The following DGLUCY variants were observed in gnomAD, a reference collection of about 807,000 sequenced individuals.
DGLUCY encodes D-glutamate cyclase, mitochondrial.
Under a neutral mutation model 58.5 loss-of-function variants are expected in DGLUCY, and 58 were observed. That is an observed-to-expected ratio of 0.99 (90% CI 0.80 to 1.23). The LOEUF is 1.23. Ranked by LOEUF, DGLUCY falls within the 50% of genes most tolerant of loss-of-function variation. DGLUCY has a pLI of 0.00. For synonymous variants in DGLUCY, 325 were observed against 314.1 expected, an observed-to-expected ratio of 1.03 and a Z score of -0.37; for missense variants, 779 against 784.7, an observed-to-expected ratio of 0.99 and a Z score of 0.09.
chr14:91,214,044 T>C (rs1886138686), intron 12 of DGLUCY, among the ~76,000 whole-genome samples: 1 of 151,966 alleles, frequency 6.6e-6, no homozygotes, highest in Non-Finnish European at 1.5e-5. Context: ...TTTTCTTTTT[T>C]TTTTTTAACT....
chr14:91,129,333 A>G (rs1374786981), intron 1 of DGLUCY, among the ~76,000 whole-genome samples: 3 of 152,154 alleles, frequency 2.0e-5, no homozygotes, highest in Admixed American at 2.0e-4. Flanking sequence ...GGGAAATTAC[A>G]GATTTCATGC....
intron 1 of DGLUCY, among the ~76,000 whole-genome samples, chr14:91,144,407 G>A (rs563322236): frequency 9.8e-4 from 149 of 152,240 alleles, no homozygotes; most frequent in African/African-American, 3.5e-3. Flanking sequence ...TAAAGATACA[G>A]AAATTAGCTG....
At chr14:91,161,684 GT>G (rs1285117812) in intron 3 of DGLUCY, among the ~76,000 whole-genome samples, 103 of 152,154 alleles carry the variant, frequency 6.8e-4, no homozygotes, top group Non-Finnish European at 1.2e-3. Flanking sequence ...ACTTACTAAT[GT>G]CCCATTGGCG....
At chr14:91,060,567 C>A (rs1176185161) in exon 1 of DGLUCY, 1 of 1,149,736 alleles carries the variant, frequency 8.7e-7, no homozygotes, top group Non-Finnish European at 1.1e-6. Context: ...GACGCAAAGA[C>A]GAGTCTCTTT....
chr14:91,220,427 C>T (rs1887285123), intron 13 of DGLUCY: 1 of 451,594 alleles, frequency 2.2e-6, no homozygotes, highest in Non-Finnish European at 4.5e-6. Flanking sequence ...TGACAAGGTC[C>T]TTTCTTTACT....
chr14:91,201,727 A>G (rs2050575003), intron 11 of DGLUCY, among the ~76,000 whole-genome samples: 1 of 152,020 alleles, frequency 6.6e-6, no homozygotes, highest in Non-Finnish European at 1.5e-5. Context: ...TACAGGCATG[A>G]GCCACTGAGC....
chr14:91,189,141 A>G lies in DGLUCY; in HGVS notation c.1166A>G (p.Gln389Arg). The G allele has an allele frequency of 1.2e-6, 2 of 1,614,222 alleles. No individual in the cohort carries two copies. The highest frequency in any genetic ancestry group is 1.7e-6 in the Non-Finnish European group (2 of 1,180,030). Reference protein sequence around the residue: ...IVDQRAWNLHQKIVEDAVEQG... With the variant: ...IVDQRAWNLHRKIVEDAVEQG... ...GACCAGAGAGCCTGGAACTTGCACC[A>G]GAAGATTGTTGAAGATGCTGTTGAG... The change falls in exon 9 of 14, where the codon CAG becomes CGG. Residue 389 changes from glutamine (Q) to arginine (R), a missense_variant. Coordinates refer to ENST00000256324, the MANE Select transcript of DGLUCY (RefSeq NM_001102368.3).
intron 1 of DGLUCY, among the ~76,000 whole-genome samples, chr14:91,123,611 G>A (rs980827683): frequency 6.6e-6 from 1 of 152,116 alleles, no homozygotes; most frequent in African/African-American, 2.4e-5. Flanking sequence ...TTTCAAGACA[G>A]GGTCTCACTT....
intron 1 of DGLUCY, among the ~76,000 whole-genome samples, chr14:91,123,032 G>A (rs1371845686): frequency 6.6e-6 from 1 of 152,158 alleles, no homozygotes; most frequent in Admixed American, 6.5e-5. Flanking sequence ...CGAGGACTTA[G>A]GCTTAGCAGG....
At chr14:91,135,916 G>GT (rs2046304212) in intron 1 of DGLUCY, among the ~76,000 whole-genome samples, 2 of 147,510 alleles carry the variant, frequency 1.4e-5, no homozygotes, top group South Asian at 4.3e-4. Flanking sequence ...ACTTGGCTAG[G>GT]ATACATTAGC....
intron 1 of DGLUCY, among the ~76,000 whole-genome samples, chr14:91,132,795 C>T (rs1004250282): frequency 4.0e-5 from 6 of 151,808 alleles, no homozygotes; most frequent in African/African-American, 1.5e-4. Flanking sequence ...TTTCATCTTC[C>T]CAAACTGCAA....
At chr14:91,122,970 C>T (rs2045473108) in intron 1 of DGLUCY, among the ~76,000 whole-genome samples, 1 of 152,172 alleles carries the variant, frequency 6.6e-6, no homozygotes, top group Non-Finnish European at 1.5e-5. Flanking sequence ...GTAGCCGGCA[C>T]TACTCTGGGT....
chr14:91,157,206 AATGAATGGGTGG>A lies in DGLUCY; in HGVS notation c.-81-429_-81-418del, dbSNP rs2047697594. Among the ~76,000 whole-genome samples the A allele has an allele frequency of 6.1e-5, 4 of 65,428 alleles. 1 individual carries two copies. In the South Asian group the frequency reaches 1.8e-3, roughly 29 times the overall value. The allele number at this position is 65,428 out of a possible 152,430, so 42.9% of individuals were successfully genotyped here. ...GGATGGGTGGATAGATGGATGGATGAATGAATGGGTGGATGGATGGATGGGTGGATGGATGGA... is the reference window on the plus strand; with the variant it reads ...GGATGGGTGGATAGATGGATGGATGAATGGATGGATGGGTGGATGGATGGA... On this transcript the variant is annotated intron_variant, in intron 1 of 13. Transcript: ENST00000256324.
intron 1 of DGLUCY, among the ~76,000 whole-genome samples, chr14:91,108,524 T>TGA (rs1311616533): frequency 1.3e-3 from 51 of 40,582 alleles, no homozygotes; most frequent in Admixed American, 1.9e-3. Context: ...TGTGTGTGTG[T>TGA]GTGAGAGAGA....
At chr14:91,167,080 A>G in intron 3 of DGLUCY, 145 bp from the exon 4 acceptor site, 1 of 1,029,130 alleles carries the variant, frequency 9.7e-7, no homozygotes, top group Non-Finnish European at 1.4e-6. Context: ...CGGAGGTTGC[A>G]GTGAGCCAAG....
intron 1 of DGLUCY, among the ~76,000 whole-genome samples, chr14:91,074,312 A>AAAT (rs1555388320): frequency 2.5e-5 from 3 of 121,914 alleles, no homozygotes; most frequent in African/African-American, 3.7e-5. Context: ...AAAAAAAAAA[A>AAAT]ATATATATAT....
chr14:91,143,869 G>A (rs982629788), intron 1 of DGLUCY, among the ~76,000 whole-genome samples: 3 of 152,066 alleles, frequency 2.0e-5, no homozygotes, highest in Non-Finnish European at 2.9e-5. Flanking sequence ...AAAAAACGGA[G>A]ACACAAATAT....
intron 1 of DGLUCY, among the ~76,000 whole-genome samples, chr14:91,096,887 G>A (rs1021445721): frequency 1.3e-5 from 2 of 152,196 alleles, no homozygotes; most frequent in African/African-American, 4.8e-5. Context: ...GGGAAAATTG[G>A]AGAAATTGCT....
intron 1 of DGLUCY, among the ~76,000 whole-genome samples, chr14:91,154,924 C>T (rs1206368090): frequency 1.3e-5 from 2 of 152,314 alleles, no homozygotes; most frequent in Non-Finnish European, 2.9e-5. Flanking sequence ...CCCGCCACCT[C>T]CTGCCTTGTG....
Sources: allele counts gnomAD v4.1 joint callset (sites outside exome capture counted in the v4.1 genomes callset), GRCh38; gene constraint gnomAD v4.1.1; transcripts MANE v1.5; gene names NCBI Gene and HGNC (gene_info 2026-07-23, HGNC 2026-07-21).